Variants in TRIM2 observed in about 807,000 individuals in gnomAD.
TRIM2 encodes the protein tripartite motif containing 2.
In TRIM2, 20 loss-of-function variants were observed where a neutral mutation model predicts 75.2. That is an observed-to-expected ratio of 0.27 (90% CI 0.19 to 0.39). The LOEUF (loss-of-function observed/expected upper bound fraction) is 0.39. Ranked by LOEUF, TRIM2 falls within the 10% of genes least tolerant of loss-of-function variation. The pLI is 1.00. For missense variants in TRIM2, 660 were observed against 990.8 expected (o/e 0.67, Z 4.48); for synonymous variants, 373 against 388.3 (o/e 0.96, Z 0.46).
chr4:153,306,081 A>T (rs1764925151), intron 6 of TRIM2, among the ~76,000 whole-genome samples: 1 of 151,736 alleles, frequency 6.6e-6, no homozygotes, highest in African/African-American at 2.4e-5. Context: ...TTGAGCCAAG[A>T]TCATGCCATT....
At chr4:153,283,495 G>A (rs1036086703) in intron 3 of TRIM2, among the ~76,000 whole-genome samples, 2 of 152,142 alleles carry the variant, frequency 1.3e-5, no homozygotes, top group African/African-American at 4.8e-5. Flanking sequence ...TGGCTGTTAT[G>A]AATAATGCTG....
chr4:153,198,753 G>C (rs1392949394), intron 1 of TRIM2, among the ~76,000 whole-genome samples: 1 of 152,090 alleles, frequency 6.6e-6, no homozygotes, highest in Admixed American at 6.5e-5. Flanking sequence ...GGCAAATCAG[G>C]GACTTGATAA....
intron 6 of TRIM2, among the ~76,000 whole-genome samples, chr4:153,313,627 C>CTTTTTTT (rs398051309): frequency 1.0e-5 from 1 of 98,528 alleles, no homozygotes; most frequent in Non-Finnish European, 1.9e-5. Context: ...AGCAATGGCT[C>CTTTTTTT]TTTTTTTTTT....
chr4:153,202,566 GCAT>G, upstream of TRIM2, among the ~76,000 whole-genome samples: 1 of 152,178 alleles, frequency 6.6e-6, no homozygotes, highest in East Asian at 1.9e-4. Flanking sequence ...GGGCATGGCG[GCAT>G]GCGCCTGTAG....
At chr4:153,259,262 G>T (rs1326055189) in intron 1 of TRIM2, among the ~76,000 whole-genome samples, 3 of 152,132 alleles carry the variant, frequency 2.0e-5, no homozygotes. Context: ...TATAACAAAA[G>T]CTTCATGGAT....
At chr4:153,280,541 T>C (rs1047481344) in intron 3 of TRIM2, among the ~76,000 whole-genome samples, 3 of 151,974 alleles carry the variant, frequency 2.0e-5, no homozygotes, top group African/African-American at 7.3e-5. Context: ...CATGCTACCA[T>C]GCCTGGCTAA....
At chr4:153,199,158 A>G (rs1734065283) in intron 1 of TRIM2, among the ~76,000 whole-genome samples, 1 of 152,228 alleles carries the variant, frequency 6.6e-6, no homozygotes, top group Non-Finnish European at 1.5e-5. Flanking sequence ...AGACAGTTTC[A>G]GCTCTACAGA....
intron 2 of TRIM2, among the ~76,000 whole-genome samples, chr4:153,270,922 G>T (rs1756523568): frequency 6.6e-6 from 1 of 152,114 alleles, no homozygotes; most frequent in Non-Finnish European, 1.5e-5. Flanking sequence ...GCATACATGA[G>T]TTGTTACTTC....
intron 10 of TRIM2, chr4:153,324,636 T>C (rs1470222277): frequency 6.5e-6 from 1 of 154,786 alleles, no homozygotes; most frequent in Admixed American, 6.5e-5. Flanking sequence ...TGGTGTTCTT[T>C]AGAAAACAGT....
intron 1 of TRIM2, among the ~76,000 whole-genome samples, chr4:153,216,911 T>C (rs1738633725): frequency 6.6e-6 from 1 of 152,202 alleles, no homozygotes; most frequent in Non-Finnish European, 1.5e-5. Flanking sequence ...TACTATCACA[T>C]TGGCAGTTAA....
intron 1 of TRIM2, among the ~76,000 whole-genome samples, chr4:153,244,367 T>TTCC (rs1748161750): frequency 4.8e-5 from 2 of 41,744 alleles, no homozygotes; most frequent in Non-Finnish European, 7.7e-5. Context: ...CTTCTTCTTC[T>TTCC]TCTTCTTCTT....
intron 1 of TRIM2, among the ~76,000 whole-genome samples, chr4:153,156,310 T>C (rs1002853535): frequency 6.6e-6 from 1 of 152,230 alleles, no homozygotes; most frequent in African/African-American, 2.4e-5. Flanking sequence ...CATGTCTTCC[T>C]GGCCGAGTGT....
chr4:153,254,107 T>C (rs143261314), intron 1 of TRIM2, among the ~76,000 whole-genome samples: 1 of 152,094 alleles, frequency 6.6e-6, no homozygotes, highest in African/African-American at 2.4e-5. Flanking sequence ...AGGTGGAAAA[T>C]AATCAGGAAG....
chr4:153,244,409 TTCTTC>T (rs1748326772), intron 1 of TRIM2, among the ~76,000 whole-genome samples: 1 of 87,702 alleles, frequency 1.1e-5, no homozygotes, highest in African/African-American at 7.4e-5. Context: ...CTTCTTCTTC[TTCTTC>T]TTCTTCTTCT....
At chr4:153,246,176 G>A (rs566249714) in intron 1 of TRIM2, among the ~76,000 whole-genome samples, 37 of 152,286 alleles carry the variant, frequency 2.4e-4, no homozygotes, top group Middle Eastern at 3.4e-3. Context: ...GCCAGGCAAC[G>A]TGCTAAGCAT....
chr4:153,218,929 GC>G lies in TRIM2; in HGVS notation c.30+14371del, dbSNP rs1345848777. 2.0e-5 allele frequency among the ~76,000 whole-genome samples: 3 copies of G among 152,224 alleles called. No individual in the cohort carries two copies. The East Asian group carries it at 5.8e-4, about 29-fold the overall frequency. ...CTGAATTCTCAAAACAGTTTTTTAT[GC>G]CTCTATTATGGAGAGTAAAACACCC... On this transcript the variant is annotated intron_variant, in intron 1 of 11. Transcript: ENST00000338700.
chr4:153,225,996 G>A (rs866121005), intron 1 of TRIM2, among the ~76,000 whole-genome samples: 6 of 151,960 alleles, frequency 3.9e-5, no homozygotes, highest in South Asian at 2.1e-4. Flanking sequence ...TCAGCCTCCC[G>A]AGTAGCTGGG....
At chr4:153,289,922 T>C (rs1761488938) in intron 3 of TRIM2, among the ~76,000 whole-genome samples, 4 of 152,232 alleles carry the variant, frequency 2.6e-5, no homozygotes, top group African/African-American at 9.6e-5. Context: ...GGAAGAAGTC[T>C]TTTCACATTC....
In TRIM2 at chr4:153,292,839, C is replaced by T. The variant is rs1762087818; in HGVS notation, c.454-143C>T. 4.7e-6 allele frequency: 4 copies of T among 854,744 alleles called. No individual in the cohort carries two copies. The Admixed American group carries it at 9.1e-5, about 19-fold the overall frequency. 52.9% of individuals were successfully genotyped at this position (854,744 alleles called of 1,614,324 possible). ...CACATAAAAATGTGTCCTTCCTTTT[C>T]TCCTGTGAAGCTGGACTTAATAATG... On this transcript the variant is annotated intron_variant, in intron 3 of 11. Coordinates refer to ENST00000338700, the MANE Select transcript of TRIM2 (RefSeq NM_015271.5).
Sources: allele counts gnomAD v4.1 joint callset (sites outside exome capture counted in the v4.1 genomes callset), GRCh38; gene constraint gnomAD v4.1.1; transcripts MANE v1.5; gene names NCBI Gene and HGNC (gene_info 2026-07-23, HGNC 2026-07-21).